Variants in COL8A1 observed in about 807,000 individuals in gnomAD.
COL8A1 encodes collagen type VIII alpha 1 chain.
A neutral mutation model predicts 42.7 loss-of-function variants in COL8A1; 21 were observed. The observed-to-expected ratio is 0.49, with a 90% CI of 0.35 to 0.71. COL8A1 has a LOEUF of 0.71. Ranked by LOEUF, COL8A1 falls within the 30% of genes least tolerant of loss-of-function variation. The probability of loss-of-function intolerance (pLI) is 0.01; values close to 1 mark genes in which losing one functional copy is unlikely to be tolerated. For missense variants in COL8A1, 788 were observed against 962.4 expected, an observed-to-expected ratio of 0.82 and a Z score of 2.40; for synonymous variants, 367 against 369.1, an observed-to-expected ratio of 0.99 and a Z score of 0.06.
chr3:99,745,291 TAAAA>T (rs1941002055), intron 2 of COL8A1, among the ~76,000 whole-genome samples: 1 of 152,204 alleles, frequency 6.6e-6, no homozygotes, highest in Non-Finnish European at 1.5e-5. Context: ...AATAGAGTCT[TAAAA>T]TAATCATTTC....
intron 1 of COL8A1, among the ~76,000 whole-genome samples, chr3:99,684,650 T>G (rs986202354): frequency 1.3e-5 from 2 of 152,238 alleles, no homozygotes; most frequent in Non-Finnish European, 2.9e-5. Flanking sequence ...CAGTATTTAT[T>G]TTAATGATGG....
intron 1 of COL8A1, chr3:99,691,706 A>ATTTT (rs1447480530): frequency 2.9e-4 from 37 of 127,610 alleles, no homozygotes; most frequent in East Asian, 4.6e-4. Flanking sequence ...TTTTTTTAAA[A>ATTTT]AAAAAAAAAA....
intron 1 of COL8A1, among the ~76,000 whole-genome samples, chr3:99,730,961 T>C (rs996304933): frequency 3.9e-5 from 6 of 152,138 alleles, no homozygotes; most frequent in Admixed American, 2.6e-4. Flanking sequence ...ACGTTTCTTT[T>C]GTAGTGCTAA....
In COL8A1 at chr3:99,795,348, G is replaced by A. The variant is rs1390277497; in HGVS notation, c.1447G>A (p.Gly483Arg). 1 of 1,591,504 alleles carries A rather than the reference G, an allele frequency of 6.3e-7. No individual in the cohort carries two copies. The highest frequency in any genetic ancestry group is 1.1e-5 in the South Asian group (1 of 87,900). ...TGTTCCAGGGCTTCTCGGACCTAAG[G>A]GAGAGCCAGGAATCCCAGGGGATCA... ...PGVPGLLGPK[G>R]EPGIPGDQGL... Residue 483 changes from glycine (G) to arginine (R), a missense_variant, in exon 4 of 4, where the codon GGA becomes AGA. Gly to Arg is a moderately radical substitution (Grantham distance 125). Coordinates refer to ENST00000652472, the MANE Select transcript of COL8A1 (RefSeq NM_020351.4).
intron 1 of COL8A1, among the ~76,000 whole-genome samples, chr3:99,688,159 A>C (rs1173069144): frequency 6.6e-6 from 1 of 152,214 alleles, no homozygotes; most frequent in Non-Finnish European, 1.5e-5. Flanking sequence ...CTGCTCTCAA[A>C]TTATGCCAAA....
chr3:99,705,687 T>C (rs1939661961), intron 1 of COL8A1, among the ~76,000 whole-genome samples: 1 of 152,160 alleles, frequency 6.6e-6, no homozygotes. Flanking sequence ...TGATTCATGT[T>C]CCTAAAATGA....
At chr3:99,651,068 G>A (rs1404140434) in intron 1 of COL8A1, among the ~76,000 whole-genome samples, 1 of 152,096 alleles carries the variant, frequency 6.6e-6, no homozygotes, top group Non-Finnish European at 1.5e-5. Flanking sequence ...TACAAATGGT[G>A]TTTGCCTCCT....
chr3:99,667,749 GA>G (rs1228113153), intron 1 of COL8A1, among the ~76,000 whole-genome samples: 2 of 152,092 alleles, frequency 1.3e-5, no homozygotes, highest in Non-Finnish European at 2.9e-5. Context: ...ATTAAAAATA[GA>G]AGAAATAAAA....
chr3:99,754,312 T>C (rs1174992137), intron 2 of COL8A1, among the ~76,000 whole-genome samples: 3 of 152,294 alleles, frequency 2.0e-5, no homozygotes, highest in African/African-American at 7.2e-5. Flanking sequence ...GCTATGTAAT[T>C]CCCAAAAATG....
intron 2 of COL8A1, among the ~76,000 whole-genome samples, chr3:99,776,091 G>A (rs762396548): frequency 6.6e-6 from 1 of 152,174 alleles, no homozygotes; most frequent in Non-Finnish European, 1.5e-5. Context: ...CTTACAAGAA[G>A]TTGGCCCCTG....
chr3:99,664,228 T>C (rs955319306), intron 1 of COL8A1, among the ~76,000 whole-genome samples: 2 of 152,196 alleles, frequency 1.3e-5, no homozygotes, highest in African/African-American at 4.8e-5. Flanking sequence ...TTGTTTTTGT[T>C]CCCTGCTTTC....
At chr3:99,747,909 A>C (rs1226070869) in intron 2 of COL8A1, among the ~76,000 whole-genome samples, 1 of 152,226 alleles carries the variant, frequency 6.6e-6, no homozygotes, top group African/African-American at 2.4e-5. Flanking sequence ...CAGAAGCCCC[A>C]GATTCTATCC....
chr3:99,730,228 G>T (rs1940461406), intron 1 of COL8A1, among the ~76,000 whole-genome samples: 1 of 152,084 alleles, frequency 6.6e-6, no homozygotes, highest in Admixed American at 6.6e-5. Context: ...TTAGGAAGGA[G>T]ACTGGCTCAA....
At chr3:99,757,277 C>G (rs792834) in intron 2 of COL8A1, among the ~76,000 whole-genome samples, 126,413 of 152,114 alleles carry the variant, frequency 0.83, 52,737 homozygotes, top group African/African-American at 0.92. Flanking sequence ...AAAATGTTGG[C>G]AGAAACTTTT....
At chr3:99,762,192 T>A (rs1382694020) in intron 2 of COL8A1, among the ~76,000 whole-genome samples, 2 of 152,218 alleles carry the variant, frequency 1.3e-5, no homozygotes, top group Admixed American at 6.5e-5. Context: ...TCTCCTCTGC[T>A]CTTGTATTTG....
chr3:99,722,022 A>G (rs1257932963), intron 1 of COL8A1, among the ~76,000 whole-genome samples: 2 of 152,120 alleles, frequency 1.3e-5, no homozygotes, highest in East Asian at 1.9e-4. Flanking sequence ...AAAGATCAAC[A>G]TGTTGCTGCT....
intron 2 of COL8A1, among the ~76,000 whole-genome samples, chr3:99,757,161 G>T (rs747400143): frequency 6.6e-6 from 1 of 152,142 alleles, no homozygotes; most frequent in African/African-American, 2.4e-5. Context: ...ATAAAGAAAA[G>T]CTTGAATAAA....
At chr3:99,757,142 A>T (rs1182959509) in intron 2 of COL8A1, among the ~76,000 whole-genome samples, 2 of 152,224 alleles carry the variant, frequency 1.3e-5, no homozygotes, top group African/African-American at 2.4e-5. Flanking sequence ...TTGTTGAATA[A>T]AGAAATGAAT....
intron 1 of COL8A1, among the ~76,000 whole-genome samples, chr3:99,662,366 G>A (rs1173614949): frequency 4.8e-5 from 7 of 146,778 alleles, no homozygotes; most frequent in Admixed American, 3.5e-4. Context: ...TGGGCGACAG[G>A]GCGAGACTTT....
Sources: allele counts gnomAD v4.1 joint callset (sites outside exome capture counted in the v4.1 genomes callset), GRCh38; gene constraint gnomAD v4.1.1; transcripts MANE v1.5; gene names NCBI Gene and HGNC (gene_info 2026-07-23, HGNC 2026-07-21).